The following FMN1 variants were observed in gnomAD, a reference collection of about 807,000 sequenced individuals.
FMN1 encodes the protein formin 1, also known as formin-1.
In FMN1, 110 loss-of-function variants were observed where a neutral mutation model predicts 132.4. The observed-to-expected ratio is 0.83, with a 90% CI of 0.71 to 0.97. FMN1 has a LOEUF of 0.97. FMN1 is among the 50% of genes least tolerant of loss of function. The pLI is 0.00. For missense variants in FMN1, 1,792 were observed against 1,705.3 expected (o/e 1.05, Z -0.90); for synonymous variants, 722 against 651.7 (o/e 1.11, Z -1.64).
In FMN1 at chr15:32,807,659, C is replaced by A. The variant is rs554449681; in HGVS notation, c.3929-3327G>T. Among the ~76,000 whole-genome samples, 116 of 152,286 alleles carry A rather than the reference C, an allele frequency of 7.6e-4. 1 individual carries two copies. In the South Asian group the frequency reaches 0.021, roughly 27 times the overall value. ...ATTTAGTGACAAGAAATACCCTATT[C>A]AAACTGAATTGAGCATCAGGTAAGA... is the stretch of plus-strand genomic sequence containing the variant. On this transcript the variant is annotated intron_variant, in intron 17 of 20. Transcript: ENST00000616417.
intron 6 of FMN1, chr15:33,012,702 T>A (rs6494832): frequency 0.14 from 111,220 of 786,612 alleles, 8,805 homozygotes; most frequent in African/African-American, 0.21. Context: ...AAAGAGGACA[T>A]AGTAGTTCTG....
At chr15:32,850,749 C>T (rs1306821440) in intron 17 of FMN1, among the ~76,000 whole-genome samples, 1 of 152,176 alleles carries the variant, frequency 6.6e-6, no homozygotes, top group Non-Finnish European at 1.5e-5. Context: ...TGTTGAAAAT[C>T]AGAATTACTG....
intron 9 of FMN1, among the ~76,000 whole-genome samples, chr15:32,955,879 C>T (rs926992506): frequency 1.3e-5 from 2 of 152,074 alleles, no homozygotes; most frequent in African/African-American, 4.8e-5. Context: ...CAGAATCAGT[C>T]CCAAAGACGC....
intron 8 of FMN1, among the ~76,000 whole-genome samples, chr15:32,964,463 T>C (rs1259382928): frequency 6.6e-6 from 1 of 152,202 alleles, no homozygotes; most frequent in East Asian, 1.9e-4. Context: ...CACAGACGTA[T>C]TTCCAAAAAA....
At chr15:32,814,799 C>T (rs905667250) in intron 17 of FMN1, among the ~76,000 whole-genome samples, 1 of 152,138 alleles carries the variant, frequency 6.6e-6, no homozygotes, top group African/African-American at 2.4e-5. Context: ...TATTCAAATG[C>T]TTAGCACTTG....
chr15:32,892,989 C>A (rs990214994), intron 15 of FMN1, among the ~76,000 whole-genome samples: 3 of 152,104 alleles, frequency 2.0e-5, no homozygotes, highest in Non-Finnish European at 4.4e-5. Context: ...GGTTGATGGG[C>A]ACTACTACAG....
intron 4 of FMN1, among the ~76,000 whole-genome samples, chr15:33,111,014 T>C (rs1169151536): frequency 6.6e-6 from 1 of 152,196 alleles, no homozygotes; most frequent in African/African-American, 2.4e-5. Flanking sequence ...TATGGAATTA[T>C]AAACTGCCAT....
chr15:33,162,522 G>A (rs1595585595), intron 3 of FMN1, among the ~76,000 whole-genome samples: 1 of 152,130 alleles, frequency 6.6e-6, no homozygotes, highest in South Asian at 2.1e-4. Context: ...TAAAATATGG[G>A]CCTTGGACAG....
intron 7 of FMN1, among the ~76,000 whole-genome samples, chr15:33,006,887 A>G (rs1173480132): frequency 1.3e-5 from 2 of 152,086 alleles, no homozygotes; most frequent in East Asian, 3.9e-4. Context: ...GGCTAGGGGC[A>G]GAGAGGGGTG....
intron 6 of FMN1, among the ~76,000 whole-genome samples, chr15:33,010,899 C>CT: frequency 6.7e-6 from 1 of 149,346 alleles, no homozygotes; most frequent in Non-Finnish European, 1.5e-5. Context: ...ACATATTTTA[C>CT]TAAAAAAAAA....
Position 32,798,896 on chromosome 15 carries a change from G to A in FMN1, c.4038C>T (p.Ile1346=). The A allele has an allele frequency of 6.2e-7, 1 of 1,613,266 alleles. No individual in the cohort carries two copies. The highest frequency in any genetic ancestry group is 8.5e-7 in the Non-Finnish European group (1 of 1,179,596). Residue 1346 remains isoleucine, a synonymous_variant, in exon 19 of 21, where the codon ATC becomes ATT. Coordinates refer to ENST00000616417, the MANE Select transcript of FMN1 (RefSeq NM_001277313.2). The part of the protein sequence containing the change: ...GMKPKSGEKE[I]TPSYVFMVWY... ...ACACCATAAACACGTAGCTGGGTGTGATCTCCTTCTCACCAGACTTTGGCT... is the reference window on the plus strand; with the variant it reads ...ACACCATAAACACGTAGCTGGGTGTAATCTCCTTCTCACCAGACTTTGGCT...
chr15:33,154,113 G>T lies in FMN1; in HGVS notation c.802C>A (p.Pro268Thr). The T allele has an allele frequency of 6.5e-7, 1 of 1,536,188 alleles. No homozygotes were observed. Among genetic ancestry groups the T allele is most frequent in the Non-Finnish European group, 8.7e-7 (1 of 1,146,856 alleles). The change falls in exon 4 of 21, where the codon CCC becomes ACC. Residue 268 changes from proline to threonine, a missense_variant. Pro to Thr is a conservative substitution (Grantham distance 38, BLOSUM62 -1). Transcript: ENST00000616417. ...GCCTCTGTGGAGCTGCAGTCAGGGG[G>T]CAGCACTTCTCTTCCAAGCCCAGTG... ...KDTGLGREVL[P>T]PDCSSTEAGG...
chr15:32,829,352 G>A (rs2058447343), intron 17 of FMN1, among the ~76,000 whole-genome samples: 1 of 152,182 alleles, frequency 6.6e-6, no homozygotes, highest in Non-Finnish European at 1.5e-5. Flanking sequence ...CATGCATCCA[G>A]GAGGACTAGA....
chr15:33,143,734 G>C (rs1964100235), intron 4 of FMN1, among the ~76,000 whole-genome samples: 1 of 152,154 alleles, frequency 6.6e-6, no homozygotes, highest in African/African-American at 2.4e-5. Context: ...CTGTAAGTTG[G>C]AAGGTTGTTT....
At chr15:32,890,099 A>C (rs1201555196) in intron 15 of FMN1, among the ~76,000 whole-genome samples, 2 of 152,148 alleles carry the variant, frequency 1.3e-5, no homozygotes, top group East Asian at 3.9e-4. Flanking sequence ...AAATGCTGTT[A>C]ATTCATTCCT....
At chr15:32,848,489 C>T (rs914539581) in intron 17 of FMN1, among the ~76,000 whole-genome samples, 1 of 152,182 alleles carries the variant, frequency 6.6e-6, no homozygotes, top group African/African-American at 2.4e-5. Flanking sequence ...AGGAAACAAA[C>T]CAAGGTACTA....
At chr15:33,108,726 G>A (rs1394652470) in intron 4 of FMN1, among the ~76,000 whole-genome samples, 2 of 152,016 alleles carry the variant, frequency 1.3e-5, no homozygotes, top group Non-Finnish European at 2.9e-5. Flanking sequence ...TCACCAAGAG[G>A]GATTTAATTG....
At chr15:32,979,636 T>C (rs2032494065) in intron 7 of FMN1, among the ~76,000 whole-genome samples, 1 of 151,954 alleles carries the variant, frequency 6.6e-6, no homozygotes, top group African/African-American at 2.4e-5. Flanking sequence ...AATATATTTG[T>C]AAGTTATGAT....
At chr15:32,966,770 A>AAT (rs536978948) in intron 8 of FMN1, among the ~76,000 whole-genome samples, 126 of 152,354 alleles carry the variant, frequency 8.3e-4, no homozygotes, top group Non-Finnish European at 1.5e-3. Flanking sequence ...ATCATTATAT[A>AAT]AACTACTTAA....
Sources: allele counts gnomAD v4.1 joint callset (sites outside exome capture counted in the v4.1 genomes callset), GRCh38; gene constraint gnomAD v4.1.1; transcripts MANE v1.5; gene names NCBI Gene and HGNC (gene_info 2026-07-23, HGNC 2026-07-21).